SRD5A2: variants seen among roughly 807,000 people sequenced by gnomAD.
The protein encoded by SRD5A2 is steroid 5 alpha-reductase 2.
SRD5A2 carries 30 observed loss-of-function variants against 27.4 expected under a neutral mutation model. The ratio of observed to expected loss-of-function variants is 1.10; its 90% CI spans 0.82 to 1.49. The LOEUF (loss-of-function observed/expected upper bound fraction) is 1.49, where lower values mean the gene tolerates loss of function less well. Ranked by LOEUF, SRD5A2 falls within the 40% of genes most tolerant of loss-of-function variation. The probability of loss-of-function intolerance (pLI) is 0.00; values close to 1 mark genes in which losing one functional copy is unlikely to be tolerated. For synonymous variants in SRD5A2, 141 were observed against 133.6 expected, an observed-to-expected ratio of 1.06 and a Z score of -0.38; for missense variants, 348 against 323.4, an observed-to-expected ratio of 1.08 and a Z score of -0.58.
chr2:31,629,788 A>T, the SRD5A2 span, among the ~76,000 whole-genome samples: 1 of 152,136 alleles, frequency 6.6e-6, no homozygotes, highest in Non-Finnish European at 1.5e-5. Flanking sequence ...CTGGGTTCCG[A>T]CCATGACTTT....
At chr2:31,548,918 G>A (rs183795592) in intron 1 of SRD5A2, among the ~76,000 whole-genome samples, 100 of 151,884 alleles carry the variant, frequency 6.6e-4, no homozygotes, top group Non-Finnish European at 8.2e-4. Context: ...ATTCTAACAC[G>A]TACTATAACA....
the SRD5A2 span, among the ~76,000 whole-genome samples, chr2:31,644,592 C>T: frequency 3.9e-5 from 6 of 152,290 alleles, no homozygotes; most frequent in South Asian, 2.1e-4. Context: ...AGAGCTCAGG[C>T]GGTGATGCTC....
intron 1 of SRD5A2, 148 bp from the exon 2 acceptor site, chr2:31,533,914 A>T (rs1220275857): frequency 1.2e-6 from 1 of 848,898 alleles, no homozygotes; most frequent in African/African-American, 1.7e-5. Context: ...CTTCTCCAGG[A>T]GGATGTATAT....
At chr2:31,560,869 G>T (rs1011483490) in intron 1 of SRD5A2, among the ~76,000 whole-genome samples, 5 of 152,132 alleles carry the variant, frequency 3.3e-5, no homozygotes, top group Non-Finnish European at 5.9e-5. Flanking sequence ...AAATAAACTG[G>T]ATACCAAGTT....
At chr2:31,641,625 C>A in the SRD5A2 span, among the ~76,000 whole-genome samples, 8 of 151,934 alleles carry the variant, frequency 5.3e-5, no homozygotes, top group Non-Finnish European at 4.4e-5. Context: ...ATTATGAACA[C>A]GTGGTATTAT....
At chr2:31,568,552 G>A (rs898367025) in intron 1 of SRD5A2, among the ~76,000 whole-genome samples, 1 of 152,106 alleles carries the variant, frequency 6.6e-6, no homozygotes, top group Admixed American at 6.5e-5. Context: ...GGGCCACCAT[G>A]AGCAGGTTCA....
chr2:31,605,628 C>T, the SRD5A2 span, among the ~76,000 whole-genome samples: 1 of 151,408 alleles, frequency 6.6e-6, no homozygotes, highest in African/African-American at 2.4e-5. Context: ...TGGCTTATAT[C>T]CAAAAGACAG....
chr2:31,657,013 G>T, the SRD5A2 span, among the ~76,000 whole-genome samples: 4 of 152,114 alleles, frequency 2.6e-5, no homozygotes, highest in South Asian at 8.3e-4. Context: ...GTAAATCTGA[G>T]AAACTATCAC....
At chr2:31,558,803 G>A (rs1666554011) in intron 1 of SRD5A2, among the ~76,000 whole-genome samples, 1 of 152,162 alleles carries the variant, frequency 6.6e-6, no homozygotes, top group African/African-American at 2.4e-5. Context: ...ATAGGATATA[G>A]TATATGGTCT....
At chr2:31,590,796 C>A in the SRD5A2 span, among the ~76,000 whole-genome samples, 3 of 152,274 alleles carry the variant, frequency 2.0e-5, no homozygotes, top group African/African-American at 7.2e-5. Flanking sequence ...ACTATCTGAT[C>A]TTTGACAAAC....
At chr2:31,564,670 A>G in intron 1 of SRD5A2, among the ~76,000 whole-genome samples, 1 of 152,072 alleles carries the variant, frequency 6.6e-6, no homozygotes, top group South Asian at 2.1e-4. Flanking sequence ...TACGTTAAGT[A>G]CAGAGGACAA....
chr2:31,535,737 A>C (rs1484470573), intron 1 of SRD5A2, among the ~76,000 whole-genome samples: 5 of 152,016 alleles, frequency 3.3e-5, no homozygotes, highest in Non-Finnish European at 7.4e-5. Flanking sequence ...TCTGTTTCTC[A>C]CCTCCTTCAA....
chr2:31,637,749 A>C, the SRD5A2 span, among the ~76,000 whole-genome samples: 2 of 151,984 alleles, frequency 1.3e-5, no homozygotes, highest in African/African-American at 4.8e-5. Flanking sequence ...AACCCTCCCA[A>C]GCTGAGCCCC....
At chr2:31,581,365 C>T (rs1342652785), upstream of SRD5A2, among the ~76,000 whole-genome samples, 1 of 152,150 alleles carries the variant, frequency 6.6e-6, no homozygotes, top group Non-Finnish European at 1.5e-5. Context: ...TCCATCTCCT[C>T]CGGTTCCTCA....
the SRD5A2 span, among the ~76,000 whole-genome samples, chr2:31,615,769 A>G: frequency 6.6e-6 from 1 of 152,184 alleles, no homozygotes; most frequent in African/African-American, 2.4e-5. Context: ...AAGGCATGTC[A>G]AAGGTCTTCA....
chr2:31,533,450 G>A (rs1665958816), intron 2 of SRD5A2, among the ~76,000 whole-genome samples, 153 bp downstream of exon 2: 1 of 152,172 alleles, frequency 6.6e-6, no homozygotes, highest in Non-Finnish European at 1.5e-5. Flanking sequence ...CAATCTCTCT[G>A]GCTACCATAT....
chr2:31,560,808 A>C (rs531562301), intron 1 of SRD5A2, among the ~76,000 whole-genome samples: 1 of 152,248 alleles, frequency 6.6e-6, no homozygotes, highest in South Asian at 2.1e-4. Context: ...CATTACTTCA[A>C]GACTTTGTTA....
At chr2:31,622,975 T>G in the SRD5A2 span, among the ~76,000 whole-genome samples, 1 of 152,130 alleles carries the variant, frequency 6.6e-6, no homozygotes, top group Non-Finnish European at 1.5e-5. Context: ...CTTTTTCACC[T>G]GCTTCAAATG....
the SRD5A2 span, among the ~76,000 whole-genome samples, chr2:31,653,802 G>T: frequency 6.6e-6 from 1 of 152,116 alleles, no homozygotes; most frequent in Non-Finnish European, 1.5e-5. Context: ...TGAGATTACA[G>T]GTGCCCGCCA....
Sources: allele counts gnomAD v4.1 joint callset (sites outside exome capture counted in the v4.1 genomes callset), GRCh38; gene constraint gnomAD v4.1.1; transcripts MANE v1.5; gene names NCBI Gene and HGNC (gene_info 2026-07-23, HGNC 2026-07-21).